SLC15A5: variants seen among roughly 807,000 people sequenced by gnomAD.
The protein encoded by SLC15A5 is Peptide/histidine transporter ENSP00000340402.
SLC15A5 carries 58 observed loss-of-function variants against 56.1 expected under a neutral mutation model. The ratio of observed to expected loss-of-function variants is 1.03; its 90% CI spans 0.84 to 1.29. The LOEUF (loss-of-function observed/expected upper bound fraction) is 1.29, where lower values mean the gene tolerates loss of function less well. Among genes scored for constraint, SLC15A5 ranks in the 50% most tolerant of loss-of-function variants. The pLI is 0.00. For synonymous variants in SLC15A5, 264 were observed against 250.5 expected, an observed-to-expected ratio of 1.05 and a Z score of -0.51; for missense variants, 681 against 672.1, an observed-to-expected ratio of 1.01 and a Z score of -0.15.
rs1254309204 is a variant in SLC15A5, at chr12:16,235,493, T to G, written c.1162+4188A>C. 2.6e-5 allele frequency among the ~76,000 whole-genome samples: 4 copies of G among 152,144 alleles called. No homozygotes were observed. In the East Asian group the frequency reaches 7.7e-4, roughly 29 times the overall value. ...GTATCTCTATAAGGCATCAGTTATT[T>G]GCTTCAGATTGCATATTAGATGATC... On this transcript the variant is annotated intron_variant, in intron 5 of 8. Coordinates refer to ENST00000344941, the MANE Select transcript of SLC15A5 (RefSeq NM_001170798.1). The surrounding 1 kb of genome is among the most constrained non-coding windows in gnomAD (Gnocchi z 4.1).
chr12:16,217,204 C>T (rs549871891), intron 6 of SLC15A5, among the ~76,000 whole-genome samples, 180 bp from the exon 7 acceptor site: 14 of 152,112 alleles, frequency 9.2e-5, no homozygotes, highest in Non-Finnish European at 1.6e-4. Context: ...CAGATGTCTT[C>T]AAGGAATAAA....
chr12:16,253,414 A>G (rs1327870039), intron 3 of SLC15A5, among the ~76,000 whole-genome samples: 1 of 152,128 alleles, frequency 6.6e-6, no homozygotes, highest in Non-Finnish European at 1.5e-5. Flanking sequence ...AGAATATATA[A>G]TGAACTTCTA....
chr12:16,236,113 A>G (rs995697640), intron 5 of SLC15A5, among the ~76,000 whole-genome samples: 1 of 152,148 alleles, frequency 6.6e-6, no homozygotes, highest in African/African-American at 2.4e-5. Context: ...AACAATCTTA[A>G]TTAGGCTGAT....
chr12:16,232,963 A>C (rs1864312562), intron 5 of SLC15A5, among the ~76,000 whole-genome samples: 1 of 150,436 alleles, frequency 6.6e-6, no homozygotes, highest in Non-Finnish European at 1.5e-5. Context: ...GAAAGAAGGA[A>C]AGAAAGAAAG....
At chr12:16,226,375 A>G (rs1183939063) in intron 5 of SLC15A5, among the ~76,000 whole-genome samples, 1 of 152,204 alleles carries the variant, frequency 6.6e-6, no homozygotes, top group Non-Finnish European at 1.5e-5. Flanking sequence ...AGCAATTATT[A>G]TTGAAGATAA....
At chr12:16,232,904 A>C (rs1213105438) in intron 5 of SLC15A5, among the ~76,000 whole-genome samples, 1 of 148,462 alleles carries the variant, frequency 6.7e-6, no homozygotes, top group Non-Finnish European at 1.5e-5. Flanking sequence ...CTACAGAGCT[A>C]GACTCTGTCT....
At chr12:16,217,582 C>T (rs1422976765) in intron 6 of SLC15A5, among the ~76,000 whole-genome samples, 1 of 152,074 alleles carries the variant, frequency 6.6e-6, no homozygotes, top group African/African-American at 2.4e-5. Context: ...GGAATAATAT[C>T]GTTATTCACT....
chr12:16,211,388 G>A (rs985731615), intron 7 of SLC15A5, among the ~76,000 whole-genome samples: 1 of 152,100 alleles, frequency 6.6e-6, no homozygotes, highest in Non-Finnish European at 1.5e-5. Context: ...AGAGAATCTT[G>A]ATGGAAATTA....
intron 5 of SLC15A5, among the ~76,000 whole-genome samples, chr12:16,229,799 C>T (rs932824590): frequency 2.6e-5 from 4 of 152,148 alleles, no homozygotes; most frequent in South Asian, 2.1e-4. Context: ...TTACTTTTTA[C>T]ACTCAGCAGG....
At chr12:16,233,011 A>G (rs1864313285) in intron 5 of SLC15A5, among the ~76,000 whole-genome samples, 1 of 151,888 alleles carries the variant, frequency 6.6e-6, no homozygotes, top group Non-Finnish European at 1.5e-5. Flanking sequence ...GGAAGGAGAA[A>G]GAAAGAAAGG....
intron 2 of SLC15A5, among the ~76,000 whole-genome samples, chr12:16,259,699 A>T (rs1526988): frequency 0.94 from 143,220 of 152,258 alleles, 67,484 homozygotes; most frequent in East Asian, 0.99. Flanking sequence ...TAATGGAATA[A>T]GTGGAGAGTT....
intron 1 of SLC15A5, among the ~76,000 whole-genome samples, chr12:16,274,661 C>G (rs769106121): frequency 3.3e-5 from 5 of 152,056 alleles, no homozygotes; most frequent in East Asian, 3.9e-4. Context: ...ACTAACTGCT[C>G]TCTTTCTACC....
At chr12:16,264,604 G>A (rs1864675098) in intron 2 of SLC15A5, among the ~76,000 whole-genome samples, 1 of 152,130 alleles carries the variant, frequency 6.6e-6, no homozygotes, top group Admixed American at 6.5e-5. Context: ...TTGGCTCTGT[G>A]TCCCCATCCA....
At chr12:16,194,321 T>A in intron 8 of SLC15A5, 24 bp downstream of exon 8, 1 of 1,468,454 alleles carries the variant, frequency 6.8e-7, no homozygotes, top group Non-Finnish European at 9.2e-7. Context: ...CAGAAATTTT[T>A]CATCTTACCA....
At position 16,196,331 on chromosome 12, in the gene SLC15A5, C is replaced by G. The variant is rs1273537372; in HGVS notation, c.1484-1878G>C. 1.3e-5 allele frequency among the ~76,000 whole-genome samples: 2 copies of G among 151,776 alleles called. No individual in the cohort carries two copies. The highest frequency in any genetic ancestry group is 4.8e-5 in the African/African-American group (2 of 41,330). On this transcript the variant is annotated intron_variant, in intron 7 of 8. Transcript: ENST00000344941. This position sits in a 1 kb window ranked among gnomAD's most constrained non-coding sequence, Gnocchi z 4.0. Reference sequence around the variant, plus strand: ...GTTCACTGAATGTTTCTCTATAAGTCTTGTCTATTGGATATTGTGTAGCCT... The same window carrying G: ...GTTCACTGAATGTTTCTCTATAAGTGTTGTCTATTGGATATTGTGTAGCCT...
intron 8 of SLC15A5, among the ~76,000 whole-genome samples, chr12:16,190,226 T>C (rs4116819): frequency 0.47 from 72,028 of 151,996 alleles, 17,570 homozygotes; most frequent in East Asian, 0.71. Context: ...AATATATTTC[T>C]AGAATGTGCA....
chr12:16,208,403 G>T (rs987630830), intron 7 of SLC15A5, among the ~76,000 whole-genome samples: 6 of 152,200 alleles, frequency 3.9e-5, no homozygotes, highest in African/African-American at 1.4e-4. Context: ...TAGGTGTGGT[G>T]GCTTTTGCTA....
rs1398150760 is a variant in SLC15A5 at position 16,237,034 on chromosome 12, G to C, written c.1162+2647C>G. 1.3e-5 allele frequency among the ~76,000 whole-genome samples: 2 copies of C among 152,006 alleles called. No homozygotes were observed. The highest frequency in any genetic ancestry group is 2.4e-5 in the African/African-American group (1 of 41,362). On this transcript the variant is annotated intron_variant, in intron 5 of 8. Coordinates refer to ENST00000344941, the MANE Select transcript of SLC15A5 (RefSeq NM_001170798.1). The surrounding 1 kb of genome is among the most constrained non-coding windows in gnomAD (Gnocchi z 4.1). ...AGATTAAATGTAATATGTGTATGAA[G>C]GTTCCTAAATTCAAATTAGGAACTC... is the stretch of plus-strand genomic sequence containing the variant.
At chr12:16,231,721 T>C (rs897806146) in intron 5 of SLC15A5, among the ~76,000 whole-genome samples, 9 of 152,200 alleles carry the variant, frequency 5.9e-5, no homozygotes, top group Admixed American at 3.3e-4. Context: ...TAAATAGGTG[T>C]GACTTTGGAT....
Sources: gnomAD v4.1 joint callset for allele counts (sites outside exome capture counted in the v4.1 genomes callset) on GRCh38, gnomAD v4.1.1 for gene constraint, Gnocchi (gnomAD v3.1) non-coding constraint, MANE v1.5 for transcripts, NCBI Gene and HGNC (gene_info 2026-07-23, HGNC 2026-07-21) for gene names.